CEACAM8: variants seen among roughly 807,000 people sequenced by gnomAD.
CEACAM8 encodes the protein cell adhesion molecule CEACAM8.
CEACAM8 carries 31 observed loss-of-function variants against 33.4 expected under a neutral mutation model. That is an observed-to-expected ratio of 0.93 (90% CI 0.70 to 1.25). The LOEUF is 1.25. Among genes scored for constraint, CEACAM8 ranks in the 50% most tolerant of loss-of-function variants. The probability of loss-of-function intolerance (pLI) is 0.00; values close to 1 mark genes in which losing one functional copy is unlikely to be tolerated. For missense variants in CEACAM8, 388 were observed against 434.6 expected (o/e 0.89, Z 0.95); for synonymous variants, 138 against 164.5 (o/e 0.84, Z 1.23).
chr19:42,592,555 A>T (rs950750054), intron 2 of CEACAM8, among the ~76,000 whole-genome samples: 6 of 145,530 alleles, frequency 4.1e-5, no homozygotes, highest in African/African-American at 1.6e-4. Flanking sequence ...GTGAGCTGAG[A>T]TCGCACCACT....
chr19:42,582,584 A>G (rs2042275855), intron 5 of CEACAM8, among the ~76,000 whole-genome samples: 1 of 152,164 alleles, frequency 6.6e-6, no homozygotes, highest in African/African-American at 2.4e-5. Flanking sequence ...TCCACAGTTC[A>G]GATAGTGGAT....
intron 4 of CEACAM8, among the ~76,000 whole-genome samples, chr19:42,587,865 GTGT>G (rs1450973883): frequency 1.3e-5 from 2 of 152,206 alleles, no homozygotes; most frequent in Admixed American, 1.3e-4. Context: ...TTAGCTGGGC[GTGT>G]TGGCACATGC....
At chr19:42,589,875 G>T in intron 2 of CEACAM8, 140 bp from the exon 3 acceptor site, 1 of 1,505,670 alleles carries the variant, frequency 6.6e-7, no homozygotes, top group South Asian at 1.3e-5. Context: ...TGTGTCACAA[G>T]ACAGATGCAC....
At chr19:42,594,009 G>A (rs1158717578) in intron 1 of CEACAM8, 109 bp from the exon 2 acceptor site, 22 of 1,179,808 alleles carry the variant, frequency 1.9e-5, no homozygotes, top group Non-Finnish European at 2.5e-5. Context: ...GTATGTGTGT[G>A]TGTCCTACTG....
intron 4 of CEACAM8, among the ~76,000 whole-genome samples, chr19:42,583,914 C>T (rs942992986): frequency 1.3e-5 from 2 of 152,188 alleles, no homozygotes; most frequent in Non-Finnish European, 2.9e-5. Flanking sequence ...TCTAAAACTT[C>T]TTTTTCTTTC....
intron 4 of CEACAM8, among the ~76,000 whole-genome samples, chr19:42,587,906 G>C (rs2042363845): frequency 6.6e-6 from 1 of 152,220 alleles, no homozygotes; most frequent in Admixed American, 6.5e-5. Context: ...GGGAGGCTGA[G>C]GCAGGAGAAT....
intron 4 of CEACAM8, among the ~76,000 whole-genome samples, chr19:42,587,114 G>A (rs45617042): frequency 0.03 from 4,625 of 152,218 alleles, 243 homozygotes; most frequent in African/African-American, 0.1. Flanking sequence ...TAAGGAAGTG[G>A]AAAAATTGGA....
At position 42,593,745 on chromosome 19, in the gene CEACAM8, C is replaced by A; in HGVS notation, c.220G>T (p.Asp74Tyr). The A allele has an allele frequency of 6.2e-7, 1 of 1,614,052 alleles. No individual in the cohort carries two copies. Among genetic ancestry groups the A allele is most frequent in the Non-Finnish European group, 8.5e-7 (1 of 1,180,018 alleles). ...GYNWYKGETVDANRRIIGYVI... is the reference protein window; with the variant it reads ...GYNWYKGETVYANRRIIGYVI... ...TATCCTATAATTCGACGGTTGGCAT[C>A]CACTGTTTCCCCTTTGTACCAGTTG... The change falls in exon 2 of 6, where the codon GAT becomes TAT. Residue 74 changes from aspartate to tyrosine, a missense_variant. Transcript: ENST00000244336.
At chr19:42,591,733 G>T (rs937853048) in intron 2 of CEACAM8, among the ~76,000 whole-genome samples, 9 of 152,148 alleles carry the variant, frequency 5.9e-5, no homozygotes, top group Admixed American at 2.0e-4. Context: ...GATGTGTGTG[G>T]AACAGGCAGT....
chr19:42,583,562 C>G (rs2042288434), intron 4 of CEACAM8, among the ~76,000 whole-genome samples: 1 of 152,204 alleles, frequency 6.6e-6, no homozygotes, highest in Admixed American at 6.5e-5. Context: ...TCAATTTCAT[C>G]CTGGCATTTC....
Position 42,589,711 on chromosome 19 carries a change from G to A in CEACAM8, c.449C>T (p.Ser150Phe). 6.2e-7 allele frequency: 1 copy of A among 1,614,222 alleles called. No homozygotes were observed. Among genetic ancestry groups the A allele is most frequent in the East Asian group, 2.2e-5 (1 of 44,882 alleles). ...VHPETPKPSI[S>F]SNNSNPVEDK... ...CTCCACGGGGTTGGAGTTGTTGCTGGAGATGGAGGGCTTGGGAGTCTCCGC... is the reference window on the plus strand; with the variant it reads ...CTCCACGGGGTTGGAGTTGTTGCTGAAGATGGAGGGCTTGGGAGTCTCCGC... Residue 150 changes from serine (S) to phenylalanine (F), a missense_variant, in exon 3 of 6, where the codon TCC becomes TTC. Ser to Phe is a radical substitution (Grantham distance 155). Coordinates refer to ENST00000244336, the MANE Select transcript of CEACAM8 (RefSeq NM_001816.4).
intron 2 of CEACAM8, among the ~76,000 whole-genome samples, chr19:42,589,997 G>A (rs917018771): frequency 6.6e-6 from 1 of 152,154 alleles, no homozygotes; most frequent in African/African-American, 2.4e-5. Flanking sequence ...CCCAGGACTG[G>A]GAGTTACAGA....
intron 2 of CEACAM8, among the ~76,000 whole-genome samples, chr19:42,590,783 G>A (rs1359313724): frequency 6.6e-6 from 1 of 152,142 alleles, no homozygotes; most frequent in East Asian, 1.9e-4. Context: ...GGAGTGGGGG[G>A]AATGGAGAGT....
rs745539342 is a variant in CEACAM8 at position 42,583,246 on chromosome 19, C to T, written c.1050G>A (p.Ter350=). 7 of 1,596,252 alleles carry T rather than the reference C, an allele frequency of 4.4e-6. No individual in the cohort carries two copies. The South Asian group carries it at 7.8e-5, about 18-fold the overall frequency. Residue 350 remains the stop codon, a stop_retained_variant, in exon 5 of 6, where the codon TAG becomes TAA. Transcript: ENST00000244336. Reference sequence around the variant, plus strand: ...AAATGCAGAAACTACACCAGAGCTACTATATCAGAGCCACCCTGGCCAGTA... The same window carrying T: ...AAATGCAGAAACTACACCAGAGCTATTATATCAGAGCCACCCTGGCCAGTA... ...IGVLARVALI[*] is the part of the protein sequence containing the mutation.
intron 4 of CEACAM8, among the ~76,000 whole-genome samples, chr19:42,585,896 A>AG (rs2042329169): frequency 6.6e-6 from 1 of 152,222 alleles, no homozygotes. Context: ...GTAATGTTGC[A>AG]GGATACAAAA....
At chr19:42,591,188 G>C (rs1294168707) in intron 2 of CEACAM8, among the ~76,000 whole-genome samples, 1 of 152,166 alleles carries the variant, frequency 6.6e-6, no homozygotes, top group East Asian at 1.9e-4. Context: ...GAGGAAACAT[G>C]AATTTTTTTC....
At chr19:42,593,507 C>T in intron 2 of CEACAM8, 34 bp downstream of exon 2, 3 of 1,537,940 alleles carry the variant, frequency 2.0e-6, no homozygotes, top group Non-Finnish European at 2.6e-6. Context: ...TAGAACTGAC[C>T]CCCAACACCC....
intron 4 of CEACAM8, among the ~76,000 whole-genome samples, chr19:42,583,933 A>T (rs1286029227): frequency 2.0e-5 from 3 of 152,196 alleles, no homozygotes; most frequent in African/African-American, 7.2e-5. Flanking sequence ...TCTCCTTCAC[A>T]GGAATCAAAT....
chr19:42,594,677 C>T, intron 1 of CEACAM8, 88 bp downstream of exon 1: 1 of 1,032,792 alleles, frequency 9.7e-7, no homozygotes, highest in South Asian at 1.3e-5. Flanking sequence ...GTCCTCTGTC[C>T]CCTCTCAGAG....
Sources: gnomAD v4.1 joint callset for allele counts (sites outside exome capture counted in the v4.1 genomes callset) on GRCh38, gnomAD v4.1.1 for gene constraint, MANE v1.5 for transcripts, NCBI Gene and HGNC (gene_info 2026-07-23, HGNC 2026-07-21) for gene names.